The following FN1 variants were observed in gnomAD, a reference collection of about 807,000 sequenced individuals.
The protein encoded by FN1 is fibronectin 1, also known as fibronectin.
FN1 carries 106 observed loss-of-function variants against 297.3 expected under a neutral mutation model. The ratio of observed to expected loss-of-function variants is 0.36; its 90% confidence interval spans 0.30 to 0.42. FN1 has a LOEUF of 0.42. Ranked by LOEUF, FN1 falls within the 10% of genes least tolerant of loss-of-function variation. The probability of loss-of-function intolerance (pLI) is 1.00; values close to 1 mark genes in which losing one functional copy is unlikely to be tolerated. For missense variants in FN1, 2,690 were observed against 3,124.9 expected (o/e 0.86, Z 3.32); for synonymous variants, 1,149 against 1,152.6 (o/e 1.00, Z 0.06).
rs1304974900 is a variant in FN1, at chr2:215,424,244, G to A, written c.1118C>T (p.Ser373Phe). The change falls in exon 8 of 46, where the codon TCC (serine) becomes TTC (phenylalanine). Residue 373 changes from serine to phenylalanine, a missense_variant. This residue lies in a region of FN1 where 876 missense variants were observed against 1,058.1 expected (regional missense o/e 0.83). Transcript: ENST00000354785. ...PFTYNGRTFY[S>F]CTTEGRQDGH... ...GTCCTGTCGCCCTTCTGTGGTGCAG[G>A]AGTAGAACGTCCTGCCATTGTAGGT... is the stretch of plus-strand genomic sequence containing the variant. The A allele has an allele frequency of 3.7e-6, 6 of 1,614,140 alleles. No homozygotes were observed. The South Asian group carries it at 4.4e-5, about 12-fold the overall frequency.
chr2:215,384,668 A>G, intron 29 of FN1, 192 bp downstream of exon 29: 1 of 559,842 alleles, frequency 1.8e-6, no homozygotes, highest in Non-Finnish European at 3.2e-6. Flanking sequence ...TGTAGTATAT[A>G]AACAACTTTT....
At chr2:215,401,355 AAG>A (rs1465091314) in intron 20 of FN1, among the ~76,000 whole-genome samples, 4 of 151,958 alleles carry the variant, frequency 2.6e-5, no homozygotes, top group Admixed American at 1.3e-4. Context: ...AGGAAAGAAA[AAG>A]AAAGAAAGAG....
rs1256317461 is a variant in FN1, at chr2:215,386,708, C to G, written c.4593G>C (p.Leu1531Phe). ...ALNGREESPL[L>F]IGQQSTVSDV... ...AGTTACCTGTTGATTGTTGGCCAAT[C>G]AATAAGGGACTTTCCTCTCTGCCAT... The change falls in exon 28 of 46, where the codon TTG (leucine) becomes TTC (phenylalanine). Residue 1531 changes from leucine to phenylalanine, a missense_variant. Physicochemically the swap from Leu to Phe is conservative, Grantham distance 22. Around this residue, in one of 3 missense-constraint regions of FN1, gnomAD observed 1,743 missense variants for 1,945.2 expected, o/e 0.90. Transcript: ENST00000354785. 1 of 1,610,808 alleles carries G rather than the reference C, an allele frequency of 6.2e-7. No homozygotes were observed. Among genetic ancestry groups the G allele is most frequent in the African/African-American group, 1.3e-5 (1 of 74,220 alleles).
chr2:215,369,931 T>G (rs2055500614), intron 41 of FN1, among the ~76,000 whole-genome samples: 1 of 152,090 alleles, frequency 6.6e-6, no homozygotes, highest in Non-Finnish European at 1.5e-5. Context: ...AGCAGCATGG[T>G]GAGATGGAGA....
At chr2:215,388,737 G>A (rs1026480509) in intron 26 of FN1, among the ~76,000 whole-genome samples, 1 of 152,150 alleles carries the variant, frequency 6.6e-6, no homozygotes, top group Non-Finnish European at 1.5e-5. Context: ...ACAACGTACT[G>A]CATATCTTTA....
chr2:215,408,055 G>T, intron 17 of FN1, 53 bp downstream of exon 17: 1 of 1,400,800 alleles, frequency 7.1e-7, no homozygotes, highest in Non-Finnish European at 1.0e-6. Flanking sequence ...CGCCCTCCCT[G>T]CTGATGTCAT....
chr2:215,366,148 A>G (rs1325019602), intron 42 of FN1, among the ~76,000 whole-genome samples: 1 of 152,006 alleles, frequency 6.6e-6, no homozygotes, highest in Admixed American at 6.6e-5. Flanking sequence ...GAATTTTAAA[A>G]TATTATTTTT....
At chr2:215,412,556 C>T (rs915957380) in intron 13 of FN1, among the ~76,000 whole-genome samples, 2 of 152,144 alleles carry the variant, frequency 1.3e-5, no homozygotes, top group Non-Finnish European at 2.9e-5. Context: ...TCCGCCTCAG[C>T]CTCCCAAGTA....
Position 215,376,210 on chromosome 2 carries a change from G to GTTT in FN1, c.5887+285_5887+287dup, listed in dbSNP as rs545975817. Among the ~76,000 whole-genome samples, 796 of 152,106 alleles carry GTTT rather than the reference G, an allele frequency of 5.2e-3. 2 individuals are homozygous for GTTT. Among genetic ancestry groups the GTTT allele is most frequent in the Non-Finnish European group, 8.5e-3 (576 of 67,984 alleles). On this transcript the variant is annotated intron_variant, in intron 36 of 45. Coordinates refer to ENST00000354785, the MANE Select transcript of FN1 (RefSeq NM_212482.4). ...ACATCACTGTTTTTTATTTCTTTTA[G>GTTT]TTTTAAACCTTATGTTACAATTTTT...
At chr2:215,392,503 A>G (rs1361883086) in intron 25 of FN1, 3 of 218,524 alleles carry the variant, frequency 1.4e-5, no homozygotes, top group Non-Finnish European at 2.8e-5. Flanking sequence ...AGCTACAAAG[A>G]AGGAGCATGG....
intron 12 of FN1, 102 bp from the exon 13 acceptor site, chr2:215,415,060 G>A (rs112716677): frequency 4.0e-5 from 34 of 858,596 alleles, no homozygotes; most frequent in African/African-American, 6.7e-5. Flanking sequence ...TTTGCTTGTC[G>A]TTAAATGTGA....
chr2:215,420,523 T>C (rs777949371), intron 11 of FN1, 150 bp downstream of exon 11: 128 of 945,036 alleles, frequency 1.4e-4, no homozygotes, highest in Non-Finnish European at 2.1e-4. Flanking sequence ...TGGTCCAGTA[T>C]TAGAGAGAAG....
rs1559475259 is a variant in FN1, at chr2:215,401,239, A to AAGGAAGG, written c.3254-1889_3254-1888insCCTTCCT. Among the ~76,000 whole-genome samples the AAGGAAGG allele has an allele frequency of 4.1e-4, 27 of 65,594 alleles. 1 individual carries two copies. Among genetic ancestry groups the AAGGAAGG allele is most frequent in the Non-Finnish European group, 6.1e-4 (18 of 29,696 alleles). 43.0% of individuals were successfully genotyped at this position (65,594 alleles called of 152,430 possible). ...GAAAGAAAGAAAGAAAGAAAGAAAG[A>AAGGAAGG]AAGAAAGAAAGGAAGAAAGAAAGGA... On this transcript the variant is annotated intron_variant, in intron 20 of 45. Coordinates refer to ENST00000354785, the MANE Select transcript of FN1 (RefSeq NM_212482.4).
At chr2:215,375,446 C>G (rs1006801365) in intron 37 of FN1, 53 bp from the exon 38 acceptor site, 32 of 1,529,940 alleles carry the variant, frequency 2.1e-5, no homozygotes, top group Non-Finnish European at 2.9e-5. Context: ...AAGAAAATTA[C>G]TCCCACACTT....
At position 215,375,114 on chromosome 2, in the gene FN1, A is replaced by C. The variant is rs985656348; in HGVS notation, c.6157+100T>G. 5 of 1,217,022 alleles carry C rather than the reference A, an allele frequency of 4.1e-6. No homozygotes were observed. In the African/African-American group the frequency reaches 6.0e-5, roughly 15 times the overall value. 75.4% of individuals were successfully genotyped at this position (1,217,022 alleles called of 1,614,324 possible). On this transcript the variant is annotated intron_variant, in intron 38 of 45. Coordinates refer to ENST00000354785, the MANE Select transcript of FN1 (RefSeq NM_212482.4). ...GAGGTTATCAGGAACAGAGTTTCGC[A>C]TTCTCATGACACAGTATCAAAGACG...
At position 215,404,493 on chromosome 2, in the gene FN1, T is replaced by C. The variant is rs144581583; in HGVS notation, c.3149A>G (p.Lys1050Arg). Residue 1050 changes from lysine to arginine, a missense_variant, in exon 20 of 46, where the codon AAG becomes AGG. Lys to Arg is a conservative substitution (Grantham distance 26). Coordinates refer to ENST00000354785, the MANE Select transcript of FN1 (RefSeq NM_212482.4). ...RQYNVGPSVS[K>R]YPLRNLQPAS... ...AGGCTGCAGATTCCTCAGTGGGTAC[T>C]TGGAGACAGAGGGACCCACATTGTA... is the stretch of plus-strand genomic sequence containing the variant. 2.3e-5 allele frequency: 37 copies of C among 1,613,990 alleles called. No individual in the cohort carries two copies. In the African/African-American group the frequency reaches 2.5e-4, roughly 11 times the overall value.
Position 215,406,329 on chromosome 2 carries a change from G to A in FN1, c.2895C>T (p.Thr965=), listed in dbSNP as rs757338869. Residue 965 remains threonine (T), a synonymous_variant, in exon 19 of 46, where the codon ACC becomes ACT. Coordinates refer to ENST00000354785, the MANE Select transcript of FN1 (RefSeq NM_212482.4). ...AATAGGTGACCCCAGGGGACAGCCCGGTGACTTCTGCAAAGGTGTTCCTGC... is the reference window on the plus strand; with the variant it reads ...AATAGGTGACCCCAGGGGACAGCCCAGTGACTTCTGCAAAGGTGTTCCTGC... The part of the protein sequence containing the change: ...PISRNTFAEV[T]GLSPGVTYYF... 38 of 1,614,044 alleles carry A rather than the reference G, an allele frequency of 2.4e-5. No individual in the cohort carries two copies. Among genetic ancestry groups the A allele is most frequent in the Admixed American group, 1.0e-4 (6 of 60,006 alleles).
At position 215,376,587 on chromosome 2, in the gene FN1, G is replaced by A; in HGVS notation, c.5798C>T (p.Thr1933Ile). The change falls in exon 36 of 46, where the codon ACT (threonine) becomes ATT (isoleucine). Residue 1933 changes from threonine to isoleucine, a missense_variant. Physicochemically the swap from Thr to Ile is moderately conservative, Grantham distance 89 (BLOSUM62 -1). Coordinates refer to ENST00000354785, the MANE Select transcript of FN1 (RefSeq NM_212482.4). Reference protein sequence around the residue: ...ISWRTKTETITGFQVDAVPAN... With the variant: ...ISWRTKTETIIGFQVDAVPAN... The stretch of plus-strand genomic sequence containing the variant: ...TGGAACGGCATCAACTTGGAAGCCA[G>A]TGATCGTCTCAGTCTTGGTTCTCCA... 1 of 1,614,072 alleles carries A rather than the reference G, an allele frequency of 6.2e-7. No homozygotes were observed. Among genetic ancestry groups the A allele is most frequent in the South Asian group, 1.1e-5 (1 of 91,072 alleles).
intron 21 of FN1, among the ~76,000 whole-genome samples, 160 bp from the exon 22 acceptor site, chr2:215,398,008 G>A (rs565522280): frequency 1.3e-5 from 2 of 152,338 alleles, no homozygotes; most frequent in East Asian, 3.9e-4. Context: ...ATATACTTTA[G>A]CTGGAAATTC....
Sources: gnomAD v4.1 joint callset for allele counts (sites outside exome capture counted in the v4.1 genomes callset) on GRCh38, gnomAD v4.1.1 for gene constraint, gnomAD v4.1.1 regional missense constraint, MANE v1.5 for transcripts, NCBI Gene and HGNC (gene_info 2026-07-23, HGNC 2026-07-21) for gene names.